STON1: variants seen among roughly 807,000 people sequenced by gnomAD.
The protein encoded by STON1 is stonin 1, also known as stonin-1.
Under a neutral mutation model 60.9 loss-of-function variants are expected in STON1, and 79 were observed. The observed-to-expected ratio is 1.30, with a 90% CI of 1.08 to 1.56. STON1 has a LOEUF of 1.56. STON1 is among the 40% of genes most tolerant of loss of function. STON1 has a pLI of 0.00. For synonymous variants in STON1, 363 were observed against 306.9 expected, an observed-to-expected ratio of 1.18 and a Z score of -1.91; for missense variants, 1,166 against 858.9, an observed-to-expected ratio of 1.36 and a Z score of -4.47.
intron 1 of STON1, among the ~76,000 whole-genome samples, chr2:48,536,682 A>C (rs974619201): frequency 3.9e-5 from 6 of 152,084 alleles, no homozygotes; most frequent in Non-Finnish European, 7.4e-5. Context: ...ATTTATATAA[A>C]CGTTAGTTTG....
intron 1 of STON1, among the ~76,000 whole-genome samples, chr2:48,545,956 G>T (rs941865277): frequency 6.6e-6 from 1 of 152,146 alleles, no homozygotes; most frequent in African/African-American, 2.4e-5. Context: ...GCAAAGCTTT[G>T]GGGAAATTTC....
rs1251795164 is a variant in STON1 at position 48,535,621 on chromosome 2, G to A, written c.-48+5405G>A. On this transcript the variant is annotated intron_variant, in intron 1 of 3. Coordinates refer to ENST00000404752, the MANE Select transcript of STON1 (RefSeq NM_006873.4). The stretch of plus-strand genomic sequence containing the variant: ...GCACTTTGGGAGGCCGACGTGGGGG[G>A]ATCACCTGAGGTCAGGACAAGAAGT... Among the ~76,000 whole-genome samples the A allele has an allele frequency of 2.0e-5, 3 of 152,306 alleles. No homozygotes were observed. In the East Asian group the frequency reaches 5.8e-4, roughly 29 times the overall value.
At chr2:48,561,264 C>T (rs1053600536) in intron 1 of STON1, among the ~76,000 whole-genome samples, 47 of 152,314 alleles carry the variant, frequency 3.1e-4, no homozygotes, top group African/African-American at 1.0e-3. Context: ...TCCACTAGTC[C>T]AAGGGCCAGA....
At chr2:48,589,930 C>T (rs181770294) in intron 2 of STON1, among the ~76,000 whole-genome samples, 52 of 152,290 alleles carry the variant, frequency 3.4e-4, no homozygotes, top group Admixed American at 3.4e-3. Context: ...TGCATATGAA[C>T]TGGTTAATCC....
At chr2:48,535,422 A>G (rs75841200) in intron 1 of STON1, among the ~76,000 whole-genome samples, 11,199 of 152,142 alleles carry the variant, frequency 0.074, 590 homozygotes, top group Non-Finnish European at 0.11. Context: ...CTGTACTACC[A>G]TGTCCCCTCA....
intron 3 of STON1, among the ~76,000 whole-genome samples, chr2:48,594,441 G>A (rs1674688545): frequency 6.6e-6 from 1 of 152,136 alleles, no homozygotes; most frequent in African/African-American, 2.4e-5. Context: ...CTTCCATTTA[G>A]TAATTATCTG....
At chr2:48,557,381 G>A (rs1430111294) in intron 1 of STON1, among the ~76,000 whole-genome samples, 1 of 106,444 alleles carries the variant, frequency 9.4e-6, no homozygotes, top group Non-Finnish European at 2.1e-5. Flanking sequence ...ACGATGGGCG[G>A]CCGAGCAGAG....
intron 1 of STON1, among the ~76,000 whole-genome samples, chr2:48,535,544 C>T (rs910833984): frequency 6.6e-6 from 1 of 152,134 alleles, no homozygotes; most frequent in African/African-American, 2.4e-5. Context: ...AACAAACATG[C>T]CTTAAGAAGA....
At chr2:48,554,916 T>G (rs867752342) in intron 1 of STON1, among the ~76,000 whole-genome samples, 1 of 67,352 alleles carries the variant, frequency 1.5e-5, no homozygotes, top group Non-Finnish European at 3.0e-5. Flanking sequence ...AGATTAGGGA[T>G]TGGTGATGAC....
intron 1 of STON1, among the ~76,000 whole-genome samples, chr2:48,538,791 T>A (rs1459988008): frequency 8.0e-6 from 1 of 124,690 alleles, no homozygotes; most frequent in Non-Finnish European, 1.7e-5. Flanking sequence ...TTTTTTTTTA[T>A]ATTTTCTGTA....
intron 1 of STON1, among the ~76,000 whole-genome samples, chr2:48,537,154 A>G (rs1671463538): frequency 6.6e-6 from 1 of 152,164 alleles, no homozygotes; most frequent in African/African-American, 2.4e-5. Context: ...TGTTCAATAG[A>G]ACTGTGATGA....
intron 1 of STON1, among the ~76,000 whole-genome samples, chr2:48,575,655 AAAATAAATAAATAAAT>A (rs74495343): frequency 1.3e-5 from 2 of 148,888 alleles, no homozygotes; most frequent in South Asian, 2.1e-4. Context: ...CTCCGTCTCA[AAAATAAATAAATAAAT>A]AAATAAATAA....
At chr2:48,537,571 G>T (rs1671479593) in intron 1 of STON1, among the ~76,000 whole-genome samples, 1 of 152,146 alleles carries the variant, frequency 6.6e-6, no homozygotes, top group African/African-American at 2.4e-5. Context: ...TGGTCTGGCT[G>T]GGTGTGGTGG....
In STON1 at chr2:48,565,038, G is replaced by A. The variant is rs1445876029; in HGVS notation, c.-47-15549G>A. On this transcript the variant is annotated intron_variant, in intron 1 of 3. Transcript: ENST00000404752. ...GTGAGCCACTGTCCCTGGCCCTCCG[G>A]CTTCTTCTTTTTTTTTTTTTTTTTT... is the stretch of plus-strand genomic sequence containing the variant. Among the ~76,000 whole-genome samples, 3 of 128,140 alleles carry A rather than the reference G, an allele frequency of 2.3e-5. No homozygotes were observed. The Admixed American group carries it at 2.5e-4, about 11-fold the overall frequency. The allele number at this position is 128,140 out of a possible 152,430, so 84.1% of individuals were successfully genotyped here. A position where few individuals can be genotyped will look rare whatever the true frequency, so the allele number is the denominator to read the frequency against.
rs1186434526 is a variant in STON1 at position 48,578,428 on chromosome 2, CTTTTTT to C, written c.-47-2157_-47-2152del. Reference sequence around the variant, plus strand: ...CTTAAAACATGAGATCCTTTTTTTTCTTTTTTTAACTCATCAGCTATCTGTAGTGTT... The same window carrying C: ...CTTAAAACATGAGATCCTTTTTTTTCTAACTCATCAGCTATCTGTAGTGTT... On this transcript the variant is annotated intron_variant, in intron 1 of 3. Transcript: ENST00000404752. 2.0e-5 allele frequency among the ~76,000 whole-genome samples: 3 copies of C among 152,012 alleles called. No individual in the cohort carries two copies. In the East Asian group the frequency reaches 5.8e-4, roughly 29 times the overall value.
At chr2:48,591,962 A>T in intron 3 of STON1, 107 bp downstream of exon 3, 1 of 1,440,228 alleles carries the variant, frequency 6.9e-7, no homozygotes, top group Admixed American at 2.3e-5. Context: ...ATGTGTGGTG[A>T]GATTTGCCCT....
chr2:48,561,469 C>G (rs1672608607), intron 1 of STON1, among the ~76,000 whole-genome samples: 1 of 152,178 alleles, frequency 6.6e-6, no homozygotes, highest in Non-Finnish European at 1.5e-5. Context: ...TTGTGCGAAC[C>G]TCAGGAAAAT....
chr2:48,575,684 A>AAATAAATG (rs1558622879), intron 1 of STON1, among the ~76,000 whole-genome samples: 3 of 149,410 alleles, frequency 2.0e-5, no homozygotes, highest in African/African-American at 7.4e-5. Flanking sequence ...ATAAATAAAT[A>AAATAAATG]AATGAATTCT....
In STON1 at chr2:48,581,665, C is replaced by A. The variant is rs1351766526; in HGVS notation, c.1032C>A (p.Ile344=). 7.4e-6 allele frequency: 12 copies of A among 1,613,678 alleles called. No homozygotes were observed. Among genetic ancestry groups the A allele is most frequent in the South Asian group, 2.2e-5 (2 of 91,004 alleles). ...KVENFSVAGK[I]HTVKIEHVSY... ...AGAACTTCAGTGTAGCAGGAAAAAT[C>A]CACACTGTGAAGATTGAACATGTGT... Residue 344 remains isoleucine (I), a synonymous_variant, in exon 2 of 4, where the codon ATC becomes ATA. Transcript: ENST00000404752.
Sources: gnomAD v4.1 joint callset for allele counts (sites outside exome capture counted in the v4.1 genomes callset) on GRCh38, gnomAD v4.1.1 for gene constraint, MANE v1.5 for transcripts, NCBI Gene and HGNC (gene_info 2026-07-23, HGNC 2026-07-21) for gene names.